SH3BGR: variants seen among roughly 807,000 people sequenced by gnomAD.
The protein encoded by SH3BGR is SH3 domain-binding glutamic acid-rich protein.
Under a neutral mutation model 24.5 loss-of-function variants are expected in SH3BGR, and 29 were observed. The ratio of observed to expected loss-of-function variants is 1.18; its 90% CI spans 0.88 to 1.61. The LOEUF is 1.61. Among genes scored for constraint, SH3BGR ranks in the 40% most tolerant of loss-of-function variants. The probability of loss-of-function intolerance (pLI) is 0.00; values close to 1 mark genes in which losing one functional copy is unlikely to be tolerated. For missense variants in SH3BGR, 162 were observed against 205.8 expected, an observed-to-expected ratio of 0.79 and a Z score of 1.30; for synonymous variants, 55 against 65.7, an observed-to-expected ratio of 0.84 and a Z score of 0.79.
At chr21:39,484,739 A>T (rs917572856) in intron 3 of SH3BGR, among the ~76,000 whole-genome samples, 3 of 152,184 alleles carry the variant, frequency 2.0e-5, no homozygotes, top group African/African-American at 7.2e-5. Context: ...GAACCCCGCT[A>T]ATTAGCAGTA....
chr21:39,479,552 G>A (rs895959631), intron 3 of SH3BGR, among the ~76,000 whole-genome samples: 8 of 152,108 alleles, frequency 5.3e-5, no homozygotes, highest in African/African-American at 1.9e-4. Context: ...GAAGCAAGTA[G>A]GGAAGGGAAT....
At chr21:39,451,757 T>C, upstream of SH3BGR, 1 of 974,756 alleles carries the variant, frequency 1.0e-6, no homozygotes, top group African/African-American at 1.7e-5. Flanking sequence ...AGGTCTCCGA[T>C]TGGTGCACAG....
chr21:39,485,734 C>A (rs2078201151), intron 3 of SH3BGR, among the ~76,000 whole-genome samples: 1 of 145,118 alleles, frequency 6.9e-6, no homozygotes, highest in African/African-American at 2.6e-5. Context: ...GTCGCCCAGG[C>A]TGGAGTGCAG....
intron 1 of SH3BGR, among the ~76,000 whole-genome samples, chr21:39,452,504 T>C (rs2077590522): frequency 6.6e-6 from 1 of 152,214 alleles, no homozygotes; most frequent in South Asian, 2.1e-4. Flanking sequence ...TGTAAATAAA[T>C]GATACTTTGT....
At chr21:39,486,029 C>T (rs1309016173) in intron 3 of SH3BGR, among the ~76,000 whole-genome samples, 1 of 152,112 alleles carries the variant, frequency 6.6e-6, no homozygotes, top group African/African-American at 2.4e-5. Context: ...AAACCTGAAC[C>T]CAAATGTATT....
intron 3 of SH3BGR, among the ~76,000 whole-genome samples, chr21:39,481,118 A>G (rs997623566): frequency 6.6e-6 from 1 of 152,178 alleles, no homozygotes; most frequent in Non-Finnish European, 1.5e-5. Context: ...AAAAGACACC[A>G]TGGACATTTT....
At position 39,492,774 on chromosome 21, in the gene SH3BGR, C is replaced by T. The variant is rs550375596; in HGVS notation, c.313-7049C>T. Among the ~76,000 whole-genome samples the T allele has an allele frequency of 8.0e-4, 121 of 152,174 alleles. 1 individual carries two copies. Among genetic ancestry groups the T allele is most frequent in the Non-Finnish European group, 1.5e-3 (100 of 68,004 alleles). ...AAGTGTTCCCTGTTCACTGCATCCA[C>T]GCCAACACCTATATTTTTTGATTTT... On this transcript the variant is annotated intron_variant, in intron 3 of 6. Transcript: ENST00000333634.
rs184266532 is a variant in SH3BGR at position 39,507,508 on chromosome 21, T to G, written c.406-1490T>G. Among the ~76,000 whole-genome samples, 974 of 152,242 alleles carry G rather than the reference T, an allele frequency of 6.4e-3. 10 individuals carry two copies. Among genetic ancestry groups the G allele is most frequent in the African/African-American group, 0.02 (830 of 41,534 alleles). On this transcript the variant is annotated intron_variant, in intron 4 of 6. Coordinates refer to ENST00000333634, the MANE Select transcript of SH3BGR (RefSeq NM_007341.3). ...GCCACCATGCCCAGCTAATTTTATA[T>G]TTTTAATAGAGACGGGGTTTTTCCA...
At chr21:39,484,271 A>G (rs1042677749) in intron 3 of SH3BGR, among the ~76,000 whole-genome samples, 2 of 152,226 alleles carry the variant, frequency 1.3e-5, no homozygotes, top group African/African-American at 4.8e-5. Context: ...ACATCCTCAG[A>G]GCCAAATACA....
chr21:39,467,909 G>C (rs1247497749), intron 2 of SH3BGR, among the ~76,000 whole-genome samples: 1 of 152,214 alleles, frequency 6.6e-6, no homozygotes, highest in Non-Finnish European at 1.5e-5. Context: ...ACAACTGTTA[G>C]ATTGAGAAAG....
At chr21:39,503,358 A>C (rs1027583850) in intron 4 of SH3BGR, among the ~76,000 whole-genome samples, 3 of 152,226 alleles carry the variant, frequency 2.0e-5, no homozygotes, top group Non-Finnish European at 2.9e-5. Context: ...CAGAAATGCA[A>C]TGCATTGGTG....
At chr21:39,496,995 C>CT (rs1397582999) in intron 3 of SH3BGR, among the ~76,000 whole-genome samples, 1 of 151,870 alleles carries the variant, frequency 6.6e-6, no homozygotes, top group African/African-American at 2.4e-5. Flanking sequence ...TAATAATTGT[C>CT]TGAGAGGAGC....
chr21:39,496,672 A>G (rs1046242201), intron 3 of SH3BGR, among the ~76,000 whole-genome samples: 13 of 152,198 alleles, frequency 8.5e-5, no homozygotes, highest in Admixed American at 8.5e-4. Flanking sequence ...GTTTACATCA[A>G]TAATTATAAG....
intron 3 of SH3BGR, among the ~76,000 whole-genome samples, chr21:39,498,950 C>T (rs2078443767): frequency 6.6e-6 from 1 of 152,132 alleles, no homozygotes; most frequent in Non-Finnish European, 1.5e-5. Flanking sequence ...CTGGGGAAGC[C>T]TCAGGAAACT....
intron 5 of SH3BGR, among the ~76,000 whole-genome samples, chr21:39,509,471 GTTTT>G (rs560071613): frequency 3.8e-5 from 4 of 103,916 alleles, no homozygotes; most frequent in Admixed American, 1.1e-4. Context: ...CACTTTTATT[GTTTT>G]TTTTTTTTTT....
chr21:39,495,360 G>A (rs897077763), intron 3 of SH3BGR, among the ~76,000 whole-genome samples: 4 of 152,124 alleles, frequency 2.6e-5, no homozygotes, highest in Admixed American at 1.3e-4. Context: ...GTTTCAGCAG[G>A]CATTTACTTT....
intron 3 of SH3BGR, among the ~76,000 whole-genome samples, chr21:39,484,503 A>G (rs1017430277): frequency 1.9e-4 from 29 of 152,154 alleles, no homozygotes; most frequent in Non-Finnish European, 3.1e-4. Flanking sequence ...GCTGTGTTTT[A>G]TCTTATCTCA....
chr21:39,498,185 A>G (rs2078430737), intron 3 of SH3BGR, among the ~76,000 whole-genome samples: 1 of 152,224 alleles, frequency 6.6e-6, no homozygotes. Flanking sequence ...AAGAAAAATG[A>G]CAATCAATTC....
At chr21:39,477,058 T>TA (rs2078039063) in intron 3 of SH3BGR, among the ~76,000 whole-genome samples, 1 of 152,208 alleles carries the variant, frequency 6.6e-6, no homozygotes, top group African/African-American at 2.4e-5. Context: ...TTCCTTTTTT[T>TA]ATAGCATTAG....
Sources: gnomAD v4.1 joint callset for allele counts (sites outside exome capture counted in the v4.1 genomes callset) on GRCh38, gnomAD v4.1.1 for gene constraint, MANE v1.5 for transcripts, NCBI Gene and HGNC (gene_info 2026-07-23, HGNC 2026-07-21) for gene names.